Variants in BMPR1A observed in about 807,000 individuals in gnomAD.
BMPR1A encodes the protein bone morphogenetic protein receptor type 1A, also known as bone morphogenetic protein receptor type-1A.
A neutral mutation model predicts 66.0 loss-of-function variants in BMPR1A; 7 were observed. That is an observed-to-expected ratio of 0.11 (90% confidence interval 0.06 to 0.20). BMPR1A has a LOEUF of 0.20. Ranked by LOEUF, BMPR1A falls within the 10% of genes least tolerant of loss-of-function variation. The pLI is 1.00. For synonymous variants in BMPR1A, 200 were observed against 229.7 expected, an observed-to-expected ratio of 0.87 and a Z score of 1.17; for missense variants, 408 against 669.1, an observed-to-expected ratio of 0.61 and a Z score of 4.31.
intron 1 of BMPR1A, among the ~76,000 whole-genome samples, chr10:86,782,500 CTGTTTTTT>C (rs1315014550): frequency 2.0e-5 from 3 of 151,540 alleles, no homozygotes; most frequent in Non-Finnish European, 4.4e-5. Context: ...ACTTGGTTTT[CTGTTTTTT>C]TGTTTTTTGT....
At chr10:86,776,301 G>T (rs1389305447) in intron 1 of BMPR1A, among the ~76,000 whole-genome samples, 2 of 152,232 alleles carry the variant, frequency 1.3e-5, no homozygotes, top group African/African-American at 4.8e-5. Context: ...GCAGCAAGTA[G>T]TTTGATGAGA....
chr10:86,779,540 G>T (rs373365945), intron 1 of BMPR1A, among the ~76,000 whole-genome samples: 1 of 152,078 alleles, frequency 6.6e-6, no homozygotes, highest in South Asian at 2.1e-4. Flanking sequence ...GATAATAGCC[G>T]TTTTAACTGG....
intron 2 of BMPR1A, among the ~76,000 whole-genome samples, chr10:86,839,585 T>C (rs1351193181): frequency 1.6e-5 from 2 of 122,354 alleles, no homozygotes; most frequent in Non-Finnish European, 1.7e-5. Flanking sequence ...AGAGTGAGAC[T>C]CTGTCTCAAA....
intron 1 of BMPR1A, among the ~76,000 whole-genome samples, chr10:86,758,520 C>G (rs1174750895): frequency 6.6e-6 from 1 of 151,998 alleles, no homozygotes; most frequent in Non-Finnish European, 1.5e-5. Context: ...TTTCAGTTTA[C>G]AAAAACCTTT....
intron 2 of BMPR1A, among the ~76,000 whole-genome samples, chr10:86,844,214 G>T (rs1842456767): frequency 6.6e-6 from 1 of 152,024 alleles, no homozygotes; most frequent in African/African-American, 2.4e-5. Context: ...GAGATTTTAT[G>T]AAAAAAGCAA....
intron 1 of BMPR1A, among the ~76,000 whole-genome samples, chr10:86,814,286 G>A (rs1842006512): frequency 6.6e-6 from 1 of 151,984 alleles, no homozygotes; most frequent in African/African-American, 2.4e-5. Flanking sequence ...GGCTGCATTA[G>A]CTCTTTTTTC....
At chr10:86,784,311 A>G (rs1432520286) in intron 1 of BMPR1A, among the ~76,000 whole-genome samples, 2 of 152,062 alleles carry the variant, frequency 1.3e-5, no homozygotes, top group Non-Finnish European at 2.9e-5. Context: ...TTATCATGAA[A>G]GGTGTTGAAT....
In BMPR1A at chr10:86,919,456, G is replaced by A. The variant is rs1060503396; in HGVS notation, c.1153G>A (p.Val385Ile). ...CTGCATTGCTGACCTGGGCCTTGCT[G>A]TTAAATTCAACAGGTGAGTGGTTCT... ...SCCIADLGLA[V>I]KFNSDTNEVD... The change falls in exon 10 of 13, where the codon GTT becomes ATT. Residue 385 changes from valine to isoleucine, a missense_variant. By Grantham distance (29) the Val-to-Ile change is conservative. Around this residue, in one of 5 missense-constraint regions of BMPR1A, gnomAD observed 130 missense variants for 257.3 expected, o/e 0.51. Coordinates refer to ENST00000372037, the MANE Select transcript of BMPR1A (RefSeq NM_004329.3). 6.8e-6 allele frequency: 11 copies of A among 1,613,336 alleles called. No homozygotes were observed. Among genetic ancestry groups the A allele is most frequent in the Admixed American group, 1.7e-5 (1 of 59,996 alleles).
intron 11 of BMPR1A, 94 bp from the exon 12 acceptor site, chr10:86,923,282 T>A: frequency 6.5e-7 from 1 of 1,540,234 alleles, no homozygotes; most frequent in Non-Finnish European, 8.9e-7. Context: ...TAAGAATCCG[T>A]TTTAGTTCCA....
chr10:86,788,791 G>T (rs1841554822), intron 1 of BMPR1A, among the ~76,000 whole-genome samples: 1 of 151,998 alleles, frequency 6.6e-6, no homozygotes, highest in South Asian at 2.1e-4. Flanking sequence ...ATTTTTAGTA[G>T]AGATAGGGTT....
At chr10:86,922,415 A>T (rs58716919) in intron 11 of BMPR1A, among the ~76,000 whole-genome samples, 5,177 of 152,072 alleles carry the variant, frequency 0.034, 198 homozygotes, top group African/African-American at 0.094. Flanking sequence ...TTGGGTATAC[A>T]CCTAGGAGTG....
At chr10:86,883,216 C>G (rs1218567716) in intron 3 of BMPR1A, among the ~76,000 whole-genome samples, 1 of 151,642 alleles carries the variant, frequency 6.6e-6, no homozygotes, top group Non-Finnish European at 1.5e-5. Context: ...TGGCTGGGCA[C>G]GTTAGCTCAT....
chr10:86,780,142 A>AT (rs1321333472), intron 1 of BMPR1A, among the ~76,000 whole-genome samples: 1 of 151,934 alleles, frequency 6.6e-6, no homozygotes, highest in Non-Finnish European at 1.5e-5. Context: ...TCATTTGCCC[A>AT]TTTTTTAATT....
At chr10:86,781,285 ACTGT>A (rs1841434000) in intron 1 of BMPR1A, among the ~76,000 whole-genome samples, 1 of 152,150 alleles carries the variant, frequency 6.6e-6, no homozygotes, top group African/African-American at 2.4e-5. Context: ...TATTGAAGAG[ACTGT>A]CTTTTTCCCA....
At chr10:86,883,714 G>T (rs964178066) in intron 3 of BMPR1A, among the ~76,000 whole-genome samples, 1 of 151,970 alleles carries the variant, frequency 6.6e-6, no homozygotes, top group Non-Finnish European at 1.5e-5. Context: ...AGGTTGCAGC[G>T]AGTGGAGATC....
chr10:86,903,092 A>G (rs1589284132), intron 7 of BMPR1A, among the ~76,000 whole-genome samples: 1 of 152,202 alleles, frequency 6.6e-6, no homozygotes, highest in East Asian at 1.9e-4. Flanking sequence ...CAAACTCAAC[A>G]GTATTTATAG....
intron 1 of BMPR1A, among the ~76,000 whole-genome samples, chr10:86,823,104 A>G (rs1391172202): frequency 6.6e-6 from 1 of 152,238 alleles, no homozygotes; most frequent in East Asian, 1.9e-4. Flanking sequence ...TTGTTCTTAA[A>G]TCAACCAGCA....
chr10:86,835,511 A>T (rs1232526283), intron 1 of BMPR1A, among the ~76,000 whole-genome samples: 1 of 128,216 alleles, frequency 7.8e-6, no homozygotes, highest in Non-Finnish European at 1.6e-5. Flanking sequence ...AGATCGTGCC[A>T]CTGTACTCCA....
intron 1 of BMPR1A, among the ~76,000 whole-genome samples, chr10:86,778,256 G>A (rs888653527): frequency 6.6e-6 from 1 of 151,216 alleles, no homozygotes; most frequent in Non-Finnish European, 1.5e-5. Flanking sequence ...TAGCTCATCA[G>A]CTATCATTAG....
Sources: gnomAD v4.1 joint callset for allele counts (sites outside exome capture counted in the v4.1 genomes callset) on GRCh38, gnomAD v4.1.1 for gene constraint, gnomAD v4.1.1 regional missense constraint, MANE v1.5 for transcripts, NCBI Gene and HGNC (gene_info 2026-07-23, HGNC 2026-07-21) for gene names.